TMEM196: variants seen among roughly 807,000 people sequenced by gnomAD.
TMEM196 encodes the protein transmembrane protein 196.
A neutral mutation model predicts 20.0 loss-of-function variants in TMEM196; 17 were observed. The ratio of observed to expected loss-of-function variants is 0.85; its 90% CI spans 0.58 to 1.27. TMEM196 has a LOEUF of 1.27. Among genes scored for constraint, TMEM196 ranks in the 50% most tolerant of loss-of-function variants. The pLI, the probability that TMEM196 is intolerant of heterozygous loss-of-function variation, is 0.00. For synonymous variants in TMEM196, 113 were observed against 88.9 expected, an observed-to-expected ratio of 1.27 and a Z score of -1.52; for missense variants, 267 against 223.0, an observed-to-expected ratio of 1.20 and a Z score of -1.26.
At position 19,725,748 on chromosome 7, in the gene TMEM196, G is replaced by T. The variant is rs761475064; in HGVS notation, c.225C>A (p.Cys75Ter). The T allele has an allele frequency of 6.2e-7, 1 of 1,605,992 alleles. No individual in the cohort carries two copies. The highest frequency in any genetic ancestry group is 8.5e-7 in the Non-Finnish European group (1 of 1,174,334). ...SGLVMILFSA[C>*]CICGLIGGIL... Reference sequence around the variant, plus strand: ...TGCCCCCAATAAGTCCACAGATACAGCAGGCTGAAAAGAGGATCATCTGAT... The same window carrying T: ...TGCCCCCAATAAGTCCACAGATACATCAGGCTGAAAAGAGGATCATCTGAT... The change falls in exon 3 of 5, where the codon TGC (cysteine) becomes TGA (stop). Residue 75 changes from cysteine to a stop codon, truncating the protein, a stop_gained. Transcript: ENST00000405844. LOFTEE classifies it high-confidence loss of function.
intron 1 of TMEM196, among the ~76,000 whole-genome samples, chr7:19,752,816 T>C (rs2128031703): frequency 6.6e-6 from 1 of 152,242 alleles, no homozygotes; most frequent in East Asian, 1.9e-4. Context: ...GGTTTCACCA[T>C]GTTGGTCAGG....
intron 1 of TMEM196, among the ~76,000 whole-genome samples, chr7:19,763,328 C>T (rs988166150): frequency 6.6e-6 from 1 of 152,028 alleles, no homozygotes; most frequent in Non-Finnish European, 1.5e-5. Flanking sequence ...TATTTTAATT[C>T]CTCAGAATAA....
At chr7:19,772,492 C>T (rs1223343178) in intron 1 of TMEM196, 58 bp downstream of exon 1, 11 of 1,447,234 alleles carry the variant, frequency 7.6e-6, no homozygotes, top group Non-Finnish European at 1.0e-5. Context: ...CTGACCATCA[C>T]CGTAAAGAGG....
At chr7:19,761,321 A>T (rs1043593367) in intron 1 of TMEM196, among the ~76,000 whole-genome samples, 1 of 152,130 alleles carries the variant, frequency 6.6e-6, no homozygotes, top group Non-Finnish European at 1.5e-5. Context: ...CTAATTTCTT[A>T]TTTTTTAAAC....
chr7:19,772,759 C>T lies in TMEM196; in HGVS notation c.-63G>A. On this transcript the variant is annotated 5_prime_UTR_variant, in exon 1 of 5. Transcript: ENST00000405844. ...AATCAACCATCTACCTTTTTTTCTT[C>T]CACTATCCTCCTTACCCCTTCCACC... 3 of 1,397,934 alleles carry T rather than the reference C, an allele frequency of 2.1e-6. No individual in the cohort carries two copies. Among genetic ancestry groups the T allele is most frequent in the Non-Finnish European group, 2.8e-6 (3 of 1,060,132 alleles). The allele number at this position is 1,397,934 out of a possible 1,614,324, so 86.6% of individuals were successfully genotyped here. A position where few individuals can be genotyped will look rare whatever the true frequency, so the allele number is the denominator to read the frequency against.
intron 1 of TMEM196, among the ~76,000 whole-genome samples, chr7:19,738,044 G>T (rs2128021646): frequency 6.6e-6 from 1 of 152,074 alleles, no homozygotes; most frequent in African/African-American, 2.4e-5. Flanking sequence ...AGGGAGAAAA[G>T]GCTGACCTGA....
intron 1 of TMEM196, among the ~76,000 whole-genome samples, chr7:19,767,846 T>G (rs1785701428): frequency 6.6e-6 from 1 of 152,016 alleles, no homozygotes; most frequent in Non-Finnish European, 1.5e-5. Context: ...ACTGAGAGGT[T>G]TCTTTCACTT....
intron 1 of TMEM196, among the ~76,000 whole-genome samples, chr7:19,772,101 C>G (rs1562633993): frequency 6.6e-6 from 1 of 152,120 alleles, no homozygotes; most frequent in Non-Finnish European, 1.5e-5. Context: ...AAATGCATAA[C>G]TATCCCTGCT....
intron 1 of TMEM196, among the ~76,000 whole-genome samples, chr7:19,736,352 A>AATAT (rs1562612121): frequency 1.9e-5 from 2 of 103,984 alleles, no homozygotes; most frequent in Admixed American, 1.0e-4. Flanking sequence ...AGTGGTTCCT[A>AATAT]CTATATATAT....
intron 1 of TMEM196, among the ~76,000 whole-genome samples, chr7:19,735,728 G>T (rs1189988933): frequency 1.3e-5 from 2 of 152,094 alleles, no homozygotes; most frequent in Non-Finnish European, 2.9e-5. Flanking sequence ...GAACTGATAG[G>T]ATTATAAAAG....
At position 19,719,833 on chromosome 7, in the gene TMEM196, T is replaced by A; in HGVS notation, c.*2295A>T. 1 of 152,082 alleles carries A rather than the reference T, an allele frequency of 6.6e-6. No individual in the cohort carries two copies. The highest frequency in any genetic ancestry group is 1.5e-5 in the Non-Finnish European group (1 of 67,948). The allele number at this position is 152,082 out of a possible 1,614,324, so 9.4% of individuals were successfully genotyped here. On this transcript the variant is annotated 3_prime_UTR_variant, in exon 5 of 5. Coordinates refer to ENST00000405844, the MANE Select transcript of TMEM196 (RefSeq NM_001363562.2). ...GGTTAAACATACACTGTAAACTATT[T>A]GAATAATTGTGATGATGGCATCTCT...
chr7:19,742,912 G>A (rs1784626978), intron 1 of TMEM196, among the ~76,000 whole-genome samples: 1 of 152,084 alleles, frequency 6.6e-6, no homozygotes. Context: ...AAAAGGTATG[G>A]ACTCTCATAG....
chr7:19,761,455 A>G (rs1785430473), intron 1 of TMEM196, among the ~76,000 whole-genome samples: 1 of 152,314 alleles, frequency 6.6e-6, no homozygotes, highest in Middle Eastern at 3.4e-3. Context: ...CAAAAGAGAC[A>G]TAACCTCTCA....
At chr7:19,748,807 C>A (rs897341732) in intron 1 of TMEM196, among the ~76,000 whole-genome samples, 5 of 152,052 alleles carry the variant, frequency 3.3e-5, no homozygotes, top group African/African-American at 1.2e-4. Context: ...GAGGTAGAGA[C>A]AATATTTGCC....
At chr7:19,742,101 T>G (rs1041985513) in intron 1 of TMEM196, among the ~76,000 whole-genome samples, 12 of 152,180 alleles carry the variant, frequency 7.9e-5, no homozygotes, top group African/African-American at 2.9e-4. Context: ...TACTTTTCGT[T>G]CAGTCAAGAT....
chr7:19,756,693 T>C (rs888601444), intron 1 of TMEM196, among the ~76,000 whole-genome samples: 2 of 151,834 alleles, frequency 1.3e-5, no homozygotes, highest in Admixed American at 6.6e-5. Context: ...AGTGAGAACA[T>C]GTGGTATTTG....
chr7:19,734,089 A>G (rs1677496581), intron 1 of TMEM196, among the ~76,000 whole-genome samples: 1 of 152,154 alleles, frequency 6.6e-6, no homozygotes, highest in African/African-American at 2.4e-5. Flanking sequence ...AAAAATTTCC[A>G]GCACATAAGC....
chr7:19,741,150 T>C (rs73682803), intron 1 of TMEM196, among the ~76,000 whole-genome samples: 1,801 of 152,176 alleles, frequency 0.012, 31 homozygotes, highest in African/African-American at 0.041. Context: ...ATGAAGAAAA[T>C]AAATTATGGA....
intron 1 of TMEM196, among the ~76,000 whole-genome samples, chr7:19,738,901 A>G (rs1036186279): frequency 2.0e-5 from 3 of 152,152 alleles, no homozygotes; most frequent in Non-Finnish European, 2.9e-5. Flanking sequence ...AGTGTGAGCC[A>G]CACGTAATGA....
Sources: allele counts gnomAD v4.1 joint callset (sites outside exome capture counted in the v4.1 genomes callset), GRCh38; gene constraint gnomAD v4.1.1; transcripts MANE v1.5; gene names NCBI Gene and HGNC (gene_info 2026-07-23, HGNC 2026-07-21).